ADAMTS6: variants seen among roughly 807,000 people sequenced by gnomAD.
ADAMTS6 encodes ADAM metallopeptidase with thrombospondin type 1 motif 6.
A neutral mutation model predicts 144.3 loss-of-function variants in ADAMTS6; 23 were observed. The observed-to-expected ratio is 0.16, with a 90% CI of 0.11 to 0.23. ADAMTS6 has a LOEUF of 0.23. Among genes scored for constraint, ADAMTS6 ranks in the 10% least tolerant of loss-of-function variants. ADAMTS6 has a pLI of 1.00. For synonymous variants in ADAMTS6, 444 were observed against 457.5 expected, an observed-to-expected ratio of 0.97 and a Z score of 0.38; for missense variants, 999 against 1,379.6, an observed-to-expected ratio of 0.72 and a Z score of 4.37.
At chr5:65,442,154 TAGAAAAAGACAAAAGACA>T (rs994358139) in intron 7 of ADAMTS6, among the ~76,000 whole-genome samples, 1 of 147,950 alleles carries the variant, frequency 6.8e-6, no homozygotes, top group Non-Finnish European at 1.5e-5. Context: ...CCACAGTGAT[TAGAAAAAGACAAAAGACA>T]AGAAAAAGAC....
intron 14 of ADAMTS6, among the ~76,000 whole-genome samples, chr5:65,250,757 A>G (rs955440405): frequency 5.3e-5 from 8 of 152,228 alleles, no homozygotes; most frequent in Non-Finnish European, 8.8e-5. Context: ...AATAAGAAAA[A>G]TACAAAGATC....
intron 7 of ADAMTS6, among the ~76,000 whole-genome samples, chr5:65,400,432 T>C (rs895591668): frequency 6.6e-6 from 1 of 152,104 alleles, no homozygotes; most frequent in Non-Finnish European, 1.5e-5. Context: ...CCCAGGCTGG[T>C]CTCTAACTCC....
At chr5:65,171,968 T>C (rs1198609364) in intron 23 of ADAMTS6, among the ~76,000 whole-genome samples, 1 of 151,168 alleles carries the variant, frequency 6.6e-6, no homozygotes, top group South Asian at 2.1e-4. Context: ...CCTATGAAAT[T>C]TGGAATCAAA....
At chr5:65,171,389 G>A (rs979668052) in intron 23 of ADAMTS6, among the ~76,000 whole-genome samples, 7 of 152,094 alleles carry the variant, frequency 4.6e-5, no homozygotes, top group Non-Finnish European at 8.8e-5. Context: ...AAACTGGTTT[G>A]GAAAGTCAAA....
intron 7 of ADAMTS6, among the ~76,000 whole-genome samples, chr5:65,399,062 G>A (rs2150160517): frequency 6.6e-6 from 1 of 152,072 alleles, no homozygotes; most frequent in South Asian, 2.1e-4. Context: ...TTCGAGATCA[G>A]CCTGGCCAAC....
intron 7 of ADAMTS6, among the ~76,000 whole-genome samples, chr5:65,353,544 T>A (rs879352746): frequency 3.3e-5 from 5 of 152,036 alleles, no homozygotes; most frequent in Non-Finnish European, 7.4e-5. Context: ...CTCTCACTAT[T>A]CTTTAGTTTC....
intron 22 of ADAMTS6, among the ~76,000 whole-genome samples, chr5:65,173,881 G>T (rs558947148): frequency 6.6e-6 from 1 of 152,016 alleles, no homozygotes; most frequent in East Asian, 1.9e-4. Flanking sequence ...AAATTAGCTG[G>T]GTGTGGTGGT....
At chr5:65,440,733 C>G (rs1757802793) in intron 7 of ADAMTS6, among the ~76,000 whole-genome samples, 1 of 152,042 alleles carries the variant, frequency 6.6e-6, no homozygotes, top group Admixed American at 6.6e-5. Flanking sequence ...CTAGATCCAC[C>G]CAGACCAACT....
intron 2 of ADAMTS6, among the ~76,000 whole-genome samples, chr5:65,471,700 G>C (rs150328920): frequency 0.015 from 2,267 of 152,066 alleles, 64 homozygotes; most frequent in African/African-American, 0.052. Context: ...GGTGGTTGCA[G>C]TGAGCCGAGA....
intron 10 of ADAMTS6, among the ~76,000 whole-genome samples, chr5:65,299,690 T>A (rs1421116818): frequency 6.6e-6 from 1 of 152,154 alleles, no homozygotes; most frequent in Non-Finnish European, 1.5e-5. Context: ...CTATGTGCTA[T>A]TAAATCATGC....
intron 22 of ADAMTS6, 91 bp downstream of exon 22, chr5:65,187,925 T>G: frequency 3.1e-6 from 4 of 1,302,226 alleles, no homozygotes; most frequent in Non-Finnish European, 4.3e-6. Flanking sequence ...TGTTGAGTTC[T>G]AAGATGTTCA....
At chr5:65,183,720 T>C (rs1185156865) in intron 22 of ADAMTS6, among the ~76,000 whole-genome samples, 1 of 152,202 alleles carries the variant, frequency 6.6e-6, no homozygotes, top group Non-Finnish European at 1.5e-5. Context: ...GACATGTATG[T>C]TATGTAATGT....
chr5:65,348,498 G>A (rs1026231115), intron 7 of ADAMTS6, among the ~76,000 whole-genome samples: 2 of 152,102 alleles, frequency 1.3e-5, no homozygotes, highest in Non-Finnish European at 1.5e-5. Context: ...CCACAGGCTA[G>A]GGATGGGAGA....
intron 7 of ADAMTS6, among the ~76,000 whole-genome samples, chr5:65,436,885 A>C (rs1246949401): frequency 1.3e-5 from 2 of 152,032 alleles, no homozygotes; most frequent in Non-Finnish European, 2.9e-5. Flanking sequence ...TTCAAAATGG[A>C]AATACCACTA....
At chr5:65,187,803 T>C (rs879385827) in intron 22 of ADAMTS6, among the ~76,000 whole-genome samples, 29 of 152,182 alleles carry the variant, frequency 1.9e-4, no homozygotes, top group African/African-American at 7.0e-4. Flanking sequence ...TTATTTTTAA[T>C]CAAATTGATG....
chr5:65,269,662 G>A (rs547591443), intron 12 of ADAMTS6, among the ~76,000 whole-genome samples: 43 of 152,210 alleles, frequency 2.8e-4, no homozygotes, highest in African/African-American at 9.6e-4. Flanking sequence ...TTTAGGGCTA[G>A]TAAGTCTTAT....
At chr5:65,391,507 G>A (rs1306903410) in intron 7 of ADAMTS6, among the ~76,000 whole-genome samples, 2 of 151,276 alleles carry the variant, frequency 1.3e-5, no homozygotes, top group African/African-American at 4.9e-5. Context: ...ATTTCAGTAT[G>A]TAAATCCTAA....
At chr5:65,325,972 T>C (rs531844061) in intron 9 of ADAMTS6, among the ~76,000 whole-genome samples, 1 of 152,302 alleles carries the variant, frequency 6.6e-6, no homozygotes, top group South Asian at 2.1e-4. Flanking sequence ...AAACACATCA[T>C]CAAGATAATA....
intron 20 of ADAMTS6, among the ~76,000 whole-genome samples, chr5:65,212,818 A>G (rs964753355): frequency 2.0e-5 from 3 of 152,148 alleles, no homozygotes; most frequent in Admixed American, 6.5e-5. Flanking sequence ...CTTTTCTCCA[A>G]GCTAATCCAC....
Sources: allele counts gnomAD v4.1 joint callset (sites outside exome capture counted in the v4.1 genomes callset), GRCh38; gene constraint gnomAD v4.1.1; transcripts MANE v1.5; gene names NCBI Gene and HGNC (gene_info 2026-07-23, HGNC 2026-07-21).